Variants in PBX1 observed in about 807,000 individuals in gnomAD.
PBX1 encodes the protein PBX homeobox 1, also known as pre-B-cell leukemia transcription factor 1.
In PBX1, 6 loss-of-function variants were observed where a neutral mutation model predicts 53.4. That is an observed-to-expected ratio of 0.11 (90% CI 0.06 to 0.22). The LOEUF (loss-of-function observed/expected upper bound fraction) is 0.22. Among genes scored for constraint, PBX1 ranks in the 10% least tolerant of loss-of-function variants. PBX1 has a pLI of 1.00. For missense variants in PBX1, 251 were observed against 551.4 expected (o/e 0.46, Z 5.46); for synonymous variants, 204 against 212.3 (o/e 0.96, Z 0.34).
chr1:164,780,572 G>C (rs1667883007), intron 2 of PBX1, among the ~76,000 whole-genome samples: 1 of 152,100 alleles, frequency 6.6e-6, no homozygotes, highest in African/African-American at 2.4e-5. Flanking sequence ...GAAGACGTCT[G>C]GGAGAACAGA....
At chr1:164,868,606 C>T (rs868541084) in intron 2 of PBX1, among the ~76,000 whole-genome samples, 1 of 152,174 alleles carries the variant, frequency 6.6e-6, no homozygotes, top group Non-Finnish European at 1.5e-5. Context: ...ATTTGGATAA[C>T]GAGCATGAAG....
At chr1:164,807,730 C>T (rs760291719) in intron 5 of PBX1, 53 bp downstream of exon 5, 23 of 1,599,364 alleles carry the variant, frequency 1.4e-5, no homozygotes, top group Admixed American at 8.6e-5. Flanking sequence ...GCGGGGCCTC[C>T]GGGGCAGGCT....
chr1:164,776,161 A>G (rs1215109752), intron 2 of PBX1, among the ~76,000 whole-genome samples: 2 of 152,174 alleles, frequency 1.3e-5, no homozygotes, highest in Admixed American at 1.3e-4. Context: ...ATTTCAGTGA[A>G]GAGGCAGCCT....
chr1:164,707,416 TGTGA>T (rs1462456044), intron 2 of PBX1, among the ~76,000 whole-genome samples: 2 of 106,046 alleles, frequency 1.9e-5, no homozygotes, highest in African/African-American at 4.7e-5. Context: ...TGTGTGTGTG[TGTGA>T]GAGAGAGAGA....
In PBX1 at chr1:164,848,355, A is replaced by G; in HGVS notation, c.*1679A>G. 4.7e-6 allele frequency: 5 copies of G among 1,056,922 alleles called. No homozygotes were observed. Among genetic ancestry groups the G allele is most frequent in the Non-Finnish European group, 5.7e-6 (5 of 874,054 alleles). The allele number at this position is 1,056,922 out of a possible 1,614,324, so 65.5% of individuals were successfully genotyped here. On this transcript the variant is annotated 3_prime_UTR_variant, in exon 9 of 9. Transcript: ENST00000420696. Reference sequence around the variant, plus strand: ...AATATTTTGGTGCCTCATTTTCTTCATCTGTGAGATGGGAACTGTTATGCC... The same window carrying G: ...AATATTTTGGTGCCTCATTTTCTTCGTCTGTGAGATGGGAACTGTTATGCC...
At chr1:164,864,625 G>A (rs186828350) in intron 2 of PBX1, among the ~76,000 whole-genome samples, 2 of 152,246 alleles carry the variant, frequency 1.3e-5, no homozygotes, top group African/African-American at 4.8e-5. Context: ...GGAAGGGTGA[G>A]GGGTTGCAAA....
At chr1:164,845,660 T>C (rs1217110573) in intron 8 of PBX1, among the ~76,000 whole-genome samples, 1 of 152,190 alleles carries the variant, frequency 6.6e-6, no homozygotes, top group African/African-American at 2.4e-5. Flanking sequence ...AAAGGGGTGG[T>C]TACTAAACAG....
intron 2 of PBX1, among the ~76,000 whole-genome samples, chr1:164,712,879 C>T (rs968866253): frequency 6.6e-6 from 1 of 152,182 alleles, no homozygotes; most frequent in Non-Finnish European, 1.5e-5. Context: ...TTCTCTCCTG[C>T]TCTAGGGACT....
At chr1:164,715,661 G>T (rs1375595519) in intron 2 of PBX1, among the ~76,000 whole-genome samples, 1 of 152,158 alleles carries the variant, frequency 6.6e-6, no homozygotes, top group Non-Finnish European at 1.5e-5. Flanking sequence ...ATTGCTGAAG[G>T]TCTACTTTTG....
chr1:164,856,757 A>AT (rs1268905909), downstream of PBX1, among the ~76,000 whole-genome samples: 1 of 152,038 alleles, frequency 6.6e-6, no homozygotes, highest in African/African-American at 2.4e-5. Context: ...GATCTTCTTG[A>AT]TTTTCCCCTC....
intron 2 of PBX1, among the ~76,000 whole-genome samples, chr1:164,673,465 C>CTTTTTTTTTT (rs1171916726): frequency 3.1e-4 from 34 of 109,404 alleles, no homozygotes; most frequent in African/African-American, 1.3e-3. Flanking sequence ...AAATTACTAA[C>CTTTTTTTTTT]TTTTTTTTTT....
At chr1:164,806,462 T>C (rs1669357275) in intron 4 of PBX1, among the ~76,000 whole-genome samples, 1 of 152,192 alleles carries the variant, frequency 6.6e-6, no homozygotes, top group African/African-American at 2.4e-5. Context: ...TTCTGTGCCC[T>C]CTTCCCCAGA....
chr1:164,858,750 T>C (rs1020815934), intron 2 of PBX1, among the ~76,000 whole-genome samples: 1 of 152,116 alleles, frequency 6.6e-6, no homozygotes, highest in African/African-American at 2.4e-5. Context: ...TCCCAGAATC[T>C]CATCTTAAGA....
At chr1:164,760,671 A>G (rs995499169) in intron 2 of PBX1, among the ~76,000 whole-genome samples, 2 of 152,188 alleles carry the variant, frequency 1.3e-5, no homozygotes, top group African/African-American at 4.8e-5. Flanking sequence ...GAGGTGGCCT[A>G]GAGTAATTTG....
At chr1:164,581,205 T>A (rs1654591463) in intron 2 of PBX1, among the ~76,000 whole-genome samples, 1 of 151,374 alleles carries the variant, frequency 6.6e-6, no homozygotes, top group African/African-American at 2.4e-5. Flanking sequence ...TGGAAAGGCA[T>A]ATCCAGCAGC....
intron 3 of PBX1, among the ~76,000 whole-genome samples, chr1:164,798,746 C>T (rs1668910932): frequency 6.6e-6 from 1 of 152,202 alleles, no homozygotes; most frequent in African/African-American, 2.4e-5. Context: ...AGGGATAGTT[C>T]CTGAATCCTC....
intron 2 of PBX1, among the ~76,000 whole-genome samples, chr1:164,731,989 C>T (rs1665014284): frequency 6.6e-6 from 1 of 152,154 alleles, no homozygotes; most frequent in African/African-American, 2.4e-5. Context: ...CAGGCACTTT[C>T]CTACACAGTG....
intron 2 of PBX1, among the ~76,000 whole-genome samples, chr1:164,675,080 G>T (rs74117972): frequency 0.022 from 3,308 of 152,150 alleles, 107 homozygotes; most frequent in African/African-American, 0.076. Flanking sequence ...GTCTAGAATG[G>T]TTTGCCTGAT....
At position 164,839,448 on chromosome 1, in the gene PBX1, G is replaced by A. The variant is rs115687044; in HGVS notation, c.1201-7136G>A. Among the ~76,000 whole-genome samples, 370 of 152,266 alleles carry A rather than the reference G, an allele frequency of 2.4e-3. 5 individuals are homozygous for A. Among genetic ancestry groups the A allele is most frequent in the African/African-American group, 7.4e-3 (308 of 41,556 alleles). On this transcript the variant is annotated intron_variant, in intron 8 of 8. Coordinates refer to ENST00000420696, the MANE Select transcript of PBX1 (RefSeq NM_002585.4). ...TTTAAATGATAAATAAAAGTTGCAC[G>A]TAGTTTTAAATGTCAAAATGAAGGA...
Sources: gnomAD v4.1 joint callset for allele counts (sites outside exome capture counted in the v4.1 genomes callset) on GRCh38, gnomAD v4.1.1 for gene constraint, MANE v1.5 for transcripts, NCBI Gene and HGNC (gene_info 2026-07-23, HGNC 2026-07-21) for gene names.